METTL6: variants seen among roughly 807,000 people sequenced by gnomAD.
METTL6 encodes methyltransferase 6, tRNA N3-cytidine.
A neutral mutation model predicts 26.4 loss-of-function variants in METTL6; 22 were observed. The observed-to-expected ratio is 0.83, with a 90% CI of 0.59 to 1.19. The LOEUF (loss-of-function observed/expected upper bound fraction) is 1.19. Ranked by LOEUF, METTL6 falls within the 50% of genes most tolerant of loss-of-function variation. The pLI is 0.00. For missense variants in METTL6, 304 were observed against 324.8 expected, an observed-to-expected ratio of 0.94 and a Z score of 0.49; for synonymous variants, 109 against 116.2, an observed-to-expected ratio of 0.94 and a Z score of 0.40.
chr3:15,388,588 G>A (rs891592781), intron 6 of METTL6, among the ~76,000 whole-genome samples: 1 of 152,178 alleles, frequency 6.6e-6, no homozygotes, highest in African/African-American at 2.4e-5. Context: ...TCTGGGTGGT[G>A]CCAGTTGATC....
chr3:15,427,095 G>C (rs139044782), intron 1 of METTL6, among the ~76,000 whole-genome samples: 1 of 152,308 alleles, frequency 6.6e-6, no homozygotes, highest in African/African-American at 2.4e-5. Context: ...GCCTGGGTGG[G>C]CTCATTTCCT....
At chr3:15,381,726 G>T (rs769357914) in exon 7 of METTL6, 5 of 152,078 alleles carry the variant, frequency 3.3e-5, no homozygotes, top group Non-Finnish European at 7.4e-5. Context: ...AGTTAGTCAC[G>T]CTAGGCCTCC....
intron 4 of METTL6, chr3:15,414,591 G>C (rs959749551): frequency 3.3e-5 from 9 of 270,370 alleles, no homozygotes; most frequent in Admixed American, 1.5e-4. Context: ...CTGACCTCAA[G>C]TAATTTGCCC....
intron 5 of METTL6, among the ~76,000 whole-genome samples, chr3:15,413,248 T>C (rs73142297): frequency 0.14 from 20,250 of 149,868 alleles, 2,558 homozygotes; most frequent in African/African-American, 0.34. Flanking sequence ...AATAAATAAA[T>C]GCCTCTTTAC....
intron 2 of METTL6, 87 bp from the exon 3 acceptor site, chr3:15,425,176 T>C: frequency 7.1e-7 from 1 of 1,402,542 alleles, no homozygotes; most frequent in East Asian, 2.3e-5. Context: ...ATATGAGAGG[T>C]CTCCGACCCC....
In METTL6 at chr3:15,427,120, G is replaced by A. The variant is rs190830660; in HGVS notation, c.-125+282C>T. Among the ~76,000 whole-genome samples, 11 of 152,322 alleles carry A rather than the reference G, an allele frequency of 7.2e-5. No homozygotes were observed. In the East Asian group the frequency reaches 2.1e-3, roughly 29 times the overall value. On this transcript the variant is annotated intron_variant, in intron 1 of 5. Transcript: ENST00000383790. ...GCTCATTTCCTGATCACACTCACAA[G>A]AGGCTGTCATAGGAACCAGAGGGAG... is the stretch of plus-strand genomic sequence containing the variant.
intron 4 of METTL6, 30 bp downstream of exon 4, chr3:15,415,742 A>G: frequency 6.2e-7 from 1 of 1,608,900 alleles, no homozygotes; most frequent in African/African-American, 1.3e-5. Context: ...AGACTGTCCA[A>G]CCCTCAAGTG....
intron 6 of METTL6, among the ~76,000 whole-genome samples, chr3:15,404,592 C>T (rs996770431): frequency 6.6e-6 from 1 of 151,332 alleles, no homozygotes; most frequent in African/African-American, 2.4e-5. Context: ...TTCAGGTGAT[C>T]CGCCTGCCTC....
intron 4 of METTL6, 97 bp downstream of exon 4, chr3:15,415,675 A>C: frequency 6.3e-7 from 1 of 1,598,496 alleles, no homozygotes; most frequent in Non-Finnish European, 8.6e-7. Context: ...GAATGGAGAG[A>C]CTATGTGAAT....
intron 5 of METTL6, among the ~76,000 whole-genome samples, chr3:15,411,940 T>C (rs1197741053): frequency 6.6e-6 from 1 of 152,108 alleles, no homozygotes; most frequent in Non-Finnish European, 1.5e-5. Flanking sequence ...TTTTTTTGTA[T>C]TTTTAGTAGA....
At chr3:15,384,075 A>T (rs1675016929) in exon 7 of METTL6, 1 of 386,706 alleles carries the variant, frequency 2.6e-6, no homozygotes, top group Non-Finnish European at 4.9e-6. Context: ...GGGTTGAGGT[A>T]CTATACTGAA....
At chr3:15,392,852 C>A (rs1465748029) in intron 6 of METTL6, among the ~76,000 whole-genome samples, 1 of 152,102 alleles carries the variant, frequency 6.6e-6, no homozygotes, top group African/African-American at 2.4e-5. Context: ...TTCCATTGGT[C>A]TATATCTCTG....
At chr3:15,397,912 G>A (rs979531199) in intron 6 of METTL6, among the ~76,000 whole-genome samples, 9 of 152,080 alleles carry the variant, frequency 5.9e-5, no homozygotes, top group South Asian at 2.1e-4. Flanking sequence ...TTTCTTGCAT[G>A]TCTGACACCC....
rs539123893 is a variant in METTL6 at position 15,397,617 on chromosome 3, A to G, written c.*12-13430T>C. Among the ~76,000 whole-genome samples the G allele has an allele frequency of 9.8e-5, 15 of 152,300 alleles. No individual in the cohort carries two copies. In the South Asian group the frequency reaches 2.5e-3, roughly 25 times the overall value. ...AGACTGGAGCTGTTCCTATTCGGCC[A>G]TCTTCACTTTTAGCCTTCAAGCTGC... On this transcript the variant is annotated intron_variant, in intron 6 of 6. Transcript: ENST00000443029.
rs1461509018 is a variant in METTL6 at position 15,426,436 on chromosome 3, G to C, written c.76C>G (p.Gln26Glu). ...TGTTTAAAATCAGACACCAAAGTTT[G>C]GTCTCTTTTCAGTTTCTCCTCTTCT... ...SEEEEKLKRD[Q>E]TLVSDFKQQK... The change falls in exon 2 of 6, where the codon CAA becomes GAA. Residue 26 changes from glutamine to glutamate, a missense_variant. Coordinates refer to ENST00000383790, the MANE Select transcript of METTL6 (RefSeq NM_152396.4). 1 of 1,614,048 alleles carries C rather than the reference G, an allele frequency of 6.2e-7. No individual in the cohort carries two copies. The highest frequency in any genetic ancestry group is 1.3e-5 in the African/African-American group (1 of 74,912).
intron 3 of METTL6, among the ~76,000 whole-genome samples, chr3:15,422,882 C>T (rs1368777560): frequency 6.6e-6 from 1 of 152,142 alleles, no homozygotes; most frequent in Non-Finnish European, 1.5e-5. Context: ...CAAGACACAA[C>T]ATTACCTATT....
chr3:15,418,915 T>C (rs1466524699), intron 3 of METTL6, among the ~76,000 whole-genome samples: 3 of 152,054 alleles, frequency 2.0e-5, no homozygotes, highest in Non-Finnish European at 4.4e-5. Flanking sequence ...AGACATAAAA[T>C]AGAACTTCAA....
At position 15,414,079 on chromosome 3, in the gene METTL6, T is replaced by C; in HGVS notation, c.615A>G (p.Lys205=). The change falls in exon 5 of 6, where the codon AAA becomes AAG. Residue 205 remains lysine (K), a synonymous_variant. Transcript: ENST00000383790. ...HAMLRFKASS[K]LGENFYVRQD... ...GTCTAACATAAAAGTTTTCTCCAAG[T>C]TTGCTGCTGGCTTTAAACCTAAGCA... 1 of 1,614,194 alleles carries C rather than the reference T, an allele frequency of 6.2e-7. No individual in the cohort carries two copies. Among genetic ancestry groups the C allele is most frequent in the East Asian group, 2.2e-5 (1 of 44,888 alleles).
chr3:15,390,716 G>C (rs758365251), intron 6 of METTL6, among the ~76,000 whole-genome samples: 4 of 152,202 alleles, frequency 2.6e-5, no homozygotes, highest in Non-Finnish European at 1.5e-5. Context: ...TCTTCAGTCC[G>C]AGGACAGCTA....
Sources: allele counts gnomAD v4.1 joint callset (sites outside exome capture counted in the v4.1 genomes callset), GRCh38; gene constraint gnomAD v4.1.1; transcripts MANE v1.5; gene names NCBI Gene and HGNC (gene_info 2026-07-23, HGNC 2026-07-21).